Variants in CDCP1 observed in about 807,000 individuals in gnomAD.
The protein encoded by CDCP1 is CUB domain containing protein 1.
A neutral mutation model predicts 60.2 loss-of-function variants in CDCP1; 29 were observed. The observed-to-expected ratio is 0.48, with a 90% confidence interval of 0.36 to 0.66. CDCP1 has a LOEUF of 0.66. Ranked by LOEUF, CDCP1 falls within the 30% of genes least tolerant of loss-of-function variation. The pLI is 0.00. For synonymous variants in CDCP1, 387 were observed against 431.1 expected (o/e 0.90, Z 1.27); for missense variants, 876 against 1,074.3 (o/e 0.82, Z 2.58).
chr3:45,101,885 T>TG (rs1698489987), intron 4 of CDCP1, among the ~76,000 whole-genome samples: 1 of 53,996 alleles, frequency 1.9e-5, no homozygotes, highest in African/African-American at 6.5e-5. Context: ...AAACTCCAGC[T>TG]CAAAAAAAAA....
intron 8 of CDCP1, among the ~76,000 whole-genome samples, chr3:45,087,252 T>C (rs1334804157): frequency 6.6e-6 from 1 of 152,174 alleles, no homozygotes; most frequent in East Asian, 1.9e-4. Context: ...GCATTGTCTC[T>C]CCTCATTCTC....
In CDCP1 at chr3:45,091,411, C is replaced by T; in HGVS notation, c.1755G>A (p.Val585=). The change falls in exon 7 of 9, where the codon GTG becomes GTA. Residue 585 remains valine (V), a synonymous_variant. Transcript: ENST00000296129. This position sits in a 1 kb window ranked among gnomAD's most constrained non-coding sequence, Gnocchi z 4.8. ...SWNISVPRDQ[V]ACLTFFKERS... ...GCTCCTTAAAGAAAGTCAGGCAGGC[C>T]ACCTGGTCTCTGGGCACGCTGATGT... 1 of 1,613,904 alleles carries T rather than the reference C, an allele frequency of 6.2e-7. No individual in the cohort carries two copies. Among genetic ancestry groups the T allele is most frequent in the Non-Finnish European group, 8.5e-7 (1 of 1,179,902 alleles).
chr3:45,092,845 T>A (rs575458145), intron 6 of CDCP1, among the ~76,000 whole-genome samples: 2 of 152,220 alleles, frequency 1.3e-5, no homozygotes, highest in East Asian at 1.9e-4. Context: ...CTCGTCTCCC[T>A]CCCAACGCTC....
chr3:45,127,373 G>C (rs895164438), intron 1 of CDCP1, among the ~76,000 whole-genome samples: 4 of 152,200 alleles, frequency 2.6e-5, no homozygotes. Context: ...GTCTGCCCGG[G>C]GGGTGTGGGC....
At position 45,135,576 on chromosome 3, in the gene CDCP1, C is replaced by G. The variant is rs146757067; in HGVS notation, c.82+10630G>C. Among the ~76,000 whole-genome samples the G allele has an allele frequency of 1.3e-3, 191 of 152,268 alleles. 1 individual carries two copies. The highest frequency in any genetic ancestry group is 4.3e-3 in the African/African-American group (179 of 41,552). On this transcript the variant is annotated intron_variant, in intron 1 of 8. Transcript: ENST00000296129. ...TAACTCTGAATTGCGTCTTTCCAGA[C>G]AGTGGATCACTTAGCAAGTTGTCAT...
chr3:45,105,997 C>A (rs1461000812), intron 4 of CDCP1, among the ~76,000 whole-genome samples: 1 of 152,130 alleles, frequency 6.6e-6, no homozygotes, highest in Non-Finnish European at 1.5e-5. Flanking sequence ...TCACGGATGG[C>A]CACATCAGTT....
chr3:45,086,388 C>T (rs1046306267), intron 8 of CDCP1, among the ~76,000 whole-genome samples: 1 of 152,210 alleles, frequency 6.6e-6, no homozygotes, highest in Non-Finnish European at 1.5e-5. Flanking sequence ...AGACATCTGA[C>T]AATCTCTTTC....
intron 4 of CDCP1, among the ~76,000 whole-genome samples, chr3:45,104,220 G>A (rs1190683921): frequency 6.6e-6 from 1 of 152,228 alleles, no homozygotes; most frequent in Admixed American, 6.5e-5. Flanking sequence ...TATTGATTCT[G>A]GGGGCAAGAC....
intron 1 of CDCP1, among the ~76,000 whole-genome samples, chr3:45,126,724 C>T (rs1267936510): frequency 6.6e-6 from 1 of 152,162 alleles, no homozygotes; most frequent in East Asian, 1.9e-4. Context: ...AGACACCAGG[C>T]CTGTCTAAAT....
At chr3:45,136,114 T>C (rs933082144) in intron 1 of CDCP1, among the ~76,000 whole-genome samples, 5 of 152,200 alleles carry the variant, frequency 3.3e-5, no homozygotes, top group African/African-American at 9.6e-5. Context: ...GAATTTGTTA[T>C]CAAAATGACC....
chr3:45,132,430 A>C (rs1699115933), intron 1 of CDCP1, among the ~76,000 whole-genome samples: 1 of 152,178 alleles, frequency 6.6e-6, no homozygotes, highest in Non-Finnish European at 1.5e-5. Flanking sequence ...GTAGGGAAAC[A>C]CTTCACTACC....
intron 4 of CDCP1, among the ~76,000 whole-genome samples, chr3:45,101,239 T>A (rs1399112670): frequency 6.6e-6 from 1 of 152,166 alleles, no homozygotes; most frequent in Non-Finnish European, 1.5e-5. Flanking sequence ...TAATCCTCCC[T>A]CAGCAGGGGT....
intron 1 of CDCP1, among the ~76,000 whole-genome samples, chr3:45,121,145 T>C (rs1195824892): frequency 3.9e-5 from 6 of 152,362 alleles, no homozygotes; most frequent in African/African-American, 1.2e-4. Context: ...ACCATTCCCA[T>C]ATTTTACTTT....
At chr3:45,108,556 CCT>C (rs1420400374) in intron 4 of CDCP1, among the ~76,000 whole-genome samples, 5 of 151,742 alleles carry the variant, frequency 3.3e-5, no homozygotes, top group African/African-American at 7.3e-5. Context: ...AACAAATCCC[CCT>C]GTCTTCTAAA....
At chr3:45,140,800 G>C (rs1386933159) in intron 1 of CDCP1, among the ~76,000 whole-genome samples, 2 of 152,100 alleles carry the variant, frequency 1.3e-5, no homozygotes, top group African/African-American at 2.4e-5. Context: ...TTTTGGCCAA[G>C]GTCTATTTCA....
intron 1 of CDCP1, among the ~76,000 whole-genome samples, chr3:45,142,692 A>G (rs1699311766): frequency 6.6e-6 from 1 of 152,002 alleles, no homozygotes; most frequent in African/African-American, 2.4e-5. Flanking sequence ...ACATGGAAAT[A>G]CGCAACTAAA....
At chr3:45,115,126 A>C (rs1452970200) in intron 2 of CDCP1, among the ~76,000 whole-genome samples, 1 of 148,012 alleles carries the variant, frequency 6.8e-6, no homozygotes, top group Non-Finnish European at 1.5e-5. Flanking sequence ...GCTACCCCAG[A>C]GGCTGAGGTG....
At chr3:45,108,865 G>GTATATATATATATGCATGTATACA (rs1319816244) in intron 4 of CDCP1, among the ~76,000 whole-genome samples, 2 of 37,274 alleles carry the variant, frequency 5.4e-5, no homozygotes, top group African/African-American at 2.2e-4. Context: ...ATATATGCAT[G>GTATATATATATATGCATGTATACA]TATATATATA....
rs1024768194 is a variant in CDCP1 at position 45,091,559 on chromosome 3, T to A, written c.1628-21A>T. Reference sequence around the variant, plus strand: ...TTCCTCTGCAGGAAAGGGAGGGAGATCCAGACAGATGTTTCATTCAGTCAA... The same window carrying A: ...TTCCTCTGCAGGAAAGGGAGGGAGAACCAGACAGATGTTTCATTCAGTCAA... On this transcript the variant is annotated intron_variant, in intron 6 of 8. Transcript: ENST00000296129. The surrounding 1 kb of genome is among the most constrained non-coding windows in gnomAD (Gnocchi z 4.8). The A allele has an allele frequency of 3.8e-6, 6 of 1,574,336 alleles. No individual in the cohort carries two copies. The highest frequency in any genetic ancestry group is 5.2e-6 in the Non-Finnish European group (6 of 1,163,534).
Sources: allele counts gnomAD v4.1 joint callset (sites outside exome capture counted in the v4.1 genomes callset), GRCh38; gene constraint gnomAD v4.1.1; non-coding constraint Gnocchi (gnomAD v3.1); transcripts MANE v1.5; gene names NCBI Gene and HGNC (gene_info 2026-07-23, HGNC 2026-07-21).